DLG1: variants seen among roughly 807,000 people sequenced by gnomAD.
DLG1 encodes discs large MAGUK scaffold protein 1.
A neutral mutation model predicts 123.4 loss-of-function variants in DLG1; 42 were observed. The ratio of observed to expected loss-of-function variants is 0.34; its 90% confidence interval spans 0.27 to 0.44. The LOEUF (loss-of-function observed/expected upper bound fraction) is 0.44. Among genes scored for constraint, DLG1 ranks in the 20% least tolerant of loss-of-function variants. The pLI, the probability that DLG1 is intolerant of heterozygous loss-of-function variation, is 1.00. For missense variants in DLG1, 942 were observed against 1,082.6 expected, an observed-to-expected ratio of 0.87 and a Z score of 1.82; for synonymous variants, 317 against 356.2, an observed-to-expected ratio of 0.89 and a Z score of 1.24.
At chr3:197,224,948 CAT>C (rs111440213) in intron 4 of DLG1, among the ~76,000 whole-genome samples, 21,743 of 152,112 alleles carry the variant, frequency 0.14, 1,629 homozygotes, top group African/African-American at 0.17. Context: ...CTTTAAACCA[CAT>C]GTTGTTTTTA....
At chr3:197,274,914 G>A (rs562634558) in intron 4 of DLG1, among the ~76,000 whole-genome samples, 4 of 152,278 alleles carry the variant, frequency 2.6e-5, no homozygotes, top group African/African-American at 4.8e-5. Flanking sequence ...AGCTGGGCAC[G>A]GTGGCTCACG....
chr3:197,156,978 A>G (rs992928199), intron 5 of DLG1, among the ~76,000 whole-genome samples: 1 of 152,224 alleles, frequency 6.6e-6, no homozygotes, highest in South Asian at 2.1e-4. Context: ...CAGAACACAC[A>G]TTCTTCTCAA....
At chr3:197,080,267 C>CTTTTTTTTTTTTTTTTTTTT (rs767056279) in intron 17 of DLG1, among the ~76,000 whole-genome samples, 1 of 51,870 alleles carries the variant, frequency 1.9e-5, no homozygotes, top group African/African-American at 8.4e-5. Flanking sequence ...GATATATTTC[C>CTTTTTTTTTTTTTTTTTTTT]TTTTTTTTTT....
At chr3:197,255,757 T>C (rs926326989) in intron 4 of DLG1, among the ~76,000 whole-genome samples, 1 of 139,828 alleles carries the variant, frequency 7.2e-6, no homozygotes, top group African/African-American at 2.7e-5. Flanking sequence ...TCAAACCTAA[T>C]CTATAGTGAT....
At chr3:197,223,875 A>T (rs1266882763) in intron 4 of DLG1, among the ~76,000 whole-genome samples, 1 of 152,218 alleles carries the variant, frequency 6.6e-6, no homozygotes, top group East Asian at 1.9e-4. Flanking sequence ...TGCATCTATC[A>T]AAATACACTA....
chr3:197,288,377 A>AAG (rs1772903788), intron 3 of DLG1, among the ~76,000 whole-genome samples: 1 of 150,394 alleles, frequency 6.6e-6, no homozygotes, highest in Non-Finnish European at 1.5e-5. Flanking sequence ...AAAAAAAAAA[A>AAG]AAAAAGAAAA....
At chr3:197,254,062 G>A (rs190507264) in intron 4 of DLG1, among the ~76,000 whole-genome samples, 1 of 152,310 alleles carries the variant, frequency 6.6e-6, no homozygotes, top group African/African-American at 2.4e-5. Context: ...GCAAAGGAAT[G>A]GACCTGATAC....
At chr3:197,272,987 C>T (rs1399728263) in intron 4 of DLG1, among the ~76,000 whole-genome samples, 1 of 152,140 alleles carries the variant, frequency 6.6e-6, no homozygotes, top group African/African-American at 2.4e-5. Context: ...ACTTGTACAA[C>T]TACCATCACT....
At chr3:197,073,245 A>T (rs1386761299) in intron 18 of DLG1, among the ~76,000 whole-genome samples, 1 of 152,234 alleles carries the variant, frequency 6.6e-6, no homozygotes, top group Admixed American at 6.5e-5. Context: ...AGAAGAAAGA[A>T]AAGACATATG....
rs1290790041 is a variant in DLG1, at chr3:197,140,338, G to A, written c.589-74C>T. 7 of 1,462,454 alleles carry A rather than the reference G, an allele frequency of 4.8e-6. No individual in the cohort carries two copies. The Admixed American group carries it at 7.6e-5, about 16-fold the overall frequency. 90.6% of individuals were successfully genotyped at this position (1,462,454 alleles called of 1,614,324 possible). On this transcript the variant is annotated intron_variant, in intron 7 of 24. Transcript: ENST00000667157. ...GGACAGGTTCCTGTCATTAAAGGAC[G>A]CAGAAACTGTACTAACATAAGGAAC...
chr3:197,090,614 A>G (rs1424681531), intron 15 of DLG1, among the ~76,000 whole-genome samples: 2 of 152,110 alleles, frequency 1.3e-5, no homozygotes, highest in Admixed American at 6.5e-5. Context: ...GATATCATCA[A>G]GCTTGTAGTC....
chr3:197,248,432 T>C (rs1408931784), intron 4 of DLG1, among the ~76,000 whole-genome samples: 2 of 152,144 alleles, frequency 1.3e-5, no homozygotes, highest in African/African-American at 2.4e-5. Flanking sequence ...CTTGGAGACC[T>C]TTCCCCAGAG....
intron 6 of DLG1, among the ~76,000 whole-genome samples, chr3:197,147,548 A>C (rs1008515555): frequency 6.6e-6 from 1 of 152,132 alleles, no homozygotes; most frequent in Admixed American, 6.5e-5. Flanking sequence ...GGAGATTATT[A>C]TTCTAAGTGA....
At chr3:197,075,317 C>CAAAAAAAAAAAAAAAAAAAAAAAAAA (rs58384491) in intron 18 of DLG1, among the ~76,000 whole-genome samples, 2 of 90,296 alleles carry the variant, frequency 2.2e-5, no homozygotes, top group Non-Finnish European at 4.4e-5. Context: ...ATAACTTTCT[C>CAAAAAAAAAAAAAAAAAAAAAAAAAA]AAAAAAAAAA....
At chr3:197,184,720 T>C (rs901369422) in intron 5 of DLG1, among the ~76,000 whole-genome samples, 7 of 152,234 alleles carry the variant, frequency 4.6e-5, no homozygotes, top group African/African-American at 1.7e-4. Context: ...GTCATAAATT[T>C]CTAAAAATGA....
intron 8 of DLG1, among the ~76,000 whole-genome samples, chr3:197,139,042 A>C (rs1392636448): frequency 1.3e-5 from 2 of 152,202 alleles, no homozygotes; most frequent in Non-Finnish European, 2.9e-5. Flanking sequence ...TTTGAAATTT[A>C]TATAAAGATT....
intron 6 of DLG1, among the ~76,000 whole-genome samples, chr3:197,148,397 T>G (rs1577086821): frequency 2.7e-5 from 3 of 110,222 alleles, no homozygotes; most frequent in Admixed American, 2.4e-4. Context: ...GGTGACAGAG[T>G]GAAACTGTCT....
At chr3:197,288,812 C>T (rs769095182) in intron 3 of DLG1, among the ~76,000 whole-genome samples, 6 of 147,954 alleles carry the variant, frequency 4.1e-5, no homozygotes, top group African/African-American at 7.5e-5. Flanking sequence ...AGACATTTGT[C>T]GATAAACTTT....
intron 4 of DLG1, among the ~76,000 whole-genome samples, chr3:197,264,725 C>A (rs1334266941): frequency 6.6e-6 from 1 of 152,188 alleles, no homozygotes; most frequent in Non-Finnish European, 1.5e-5. Flanking sequence ...CTGTGCCTAG[C>A]CACGTTCCAG....
Sources: allele counts gnomAD v4.1 joint callset (sites outside exome capture counted in the v4.1 genomes callset), GRCh38; gene constraint gnomAD v4.1.1; transcripts MANE v1.5; gene names NCBI Gene and HGNC (gene_info 2026-07-23, HGNC 2026-07-21).